The following NXPH1 variants were observed in gnomAD, a reference collection of about 807,000 sequenced individuals.
NXPH1 encodes the protein neurexophilin 1.
In NXPH1, 5 loss-of-function variants were observed where a neutral mutation model predicts 23.7. That is an observed-to-expected ratio of 0.21 (90% CI 0.11 to 0.44). The LOEUF (loss-of-function observed/expected upper bound fraction) is 0.44, where lower values mean the gene tolerates loss of function less well. NXPH1 is among the 20% of genes least tolerant of loss of function. The probability of loss-of-function intolerance (pLI) is 0.99; values close to 1 mark genes in which losing one functional copy is unlikely to be tolerated. For synonymous variants in NXPH1, 144 were observed against 122.2 expected (o/e 1.18, Z -1.18); for missense variants, 324 against 321.6 (o/e 1.01, Z -0.06).
At chr7:8,524,677 TG>T (rs552879540) in intron 2 of NXPH1, among the ~76,000 whole-genome samples, 8 of 152,162 alleles carry the variant, frequency 5.3e-5, no homozygotes, top group Non-Finnish European at 1.0e-4. Flanking sequence ...AATTGAATCA[TG>T]GGGGCCGATC....
intron 2 of NXPH1, among the ~76,000 whole-genome samples, chr7:8,691,333 G>C (rs1821217950): frequency 6.6e-6 from 1 of 151,912 alleles, no homozygotes; most frequent in South Asian, 2.1e-4. Context: ...ATTTTTTGTA[G>C]AGACAGGGTT....
intron 2 of NXPH1, among the ~76,000 whole-genome samples, chr7:8,546,519 TG>T (rs1818199792): frequency 6.6e-6 from 1 of 151,422 alleles, no homozygotes; most frequent in African/African-American, 2.4e-5. Flanking sequence ...GCATATTCCC[TG>T]GCCTCATGGT....
intron 2 of NXPH1, among the ~76,000 whole-genome samples, chr7:8,645,684 T>G (rs1376913537): frequency 2.6e-5 from 4 of 152,048 alleles, no homozygotes; most frequent in South Asian, 2.1e-4. Context: ...TGTATCTTGG[T>G]CTTAAAGTTA....
At chr7:8,745,073 C>A (rs1405744845) in intron 2 of NXPH1, among the ~76,000 whole-genome samples, 1 of 152,172 alleles carries the variant, frequency 6.6e-6, no homozygotes, top group South Asian at 2.1e-4. Context: ...AGTTTAAATG[C>A]CTTAGCAGCA....
intron 2 of NXPH1, among the ~76,000 whole-genome samples, chr7:8,490,590 G>A (rs1000157893): frequency 3.3e-5 from 5 of 152,000 alleles, no homozygotes; most frequent in Non-Finnish European, 5.9e-5. Flanking sequence ...TAACTGGGGA[G>A]CGCTTTGCTT....
chr7:8,644,922 T>C (rs112731065), intron 2 of NXPH1, among the ~76,000 whole-genome samples: 1 of 152,200 alleles, frequency 6.6e-6, no homozygotes, highest in African/African-American at 2.4e-5. Context: ...TATTTTGTAC[T>C]TTATATAAAC....
At chr7:8,498,577 T>C (rs1218908119) in intron 2 of NXPH1, among the ~76,000 whole-genome samples, 1 of 152,078 alleles carries the variant, frequency 6.6e-6, no homozygotes, top group Non-Finnish European at 1.5e-5. Flanking sequence ...GAAAGTTCTT[T>C]TCATATTGAA....
At chr7:8,606,892 T>C (rs1208988586) in intron 2 of NXPH1, among the ~76,000 whole-genome samples, 1 of 152,116 alleles carries the variant, frequency 6.6e-6, no homozygotes, top group Non-Finnish European at 1.5e-5. Context: ...CTTGAAAATA[T>C]TTTTATTTTT....
intron 2 of NXPH1, among the ~76,000 whole-genome samples, chr7:8,454,285 T>C (rs1309822644): frequency 6.6e-6 from 1 of 152,178 alleles, no homozygotes; most frequent in African/African-American, 2.4e-5. Flanking sequence ...AGAAAGTTAG[T>C]GGACTGCCTT....
chr7:8,593,968 C>A (rs1191749834), intron 2 of NXPH1, among the ~76,000 whole-genome samples: 1 of 151,172 alleles, frequency 6.6e-6, no homozygotes, highest in Non-Finnish European at 1.5e-5. Context: ...TAGACATCAA[C>A]TTAAAAACAT....
At position 8,752,005 on chromosome 7, in the gene NXPH1, G is replaced by C; in HGVS notation, c.*236G>C. Reference sequence around the variant, plus strand: ...ATTTTGAATTCACACCTGAAGACATGCTCTCACATATAGAGGTACACAAAC... The same window carrying C: ...ATTTTGAATTCACACCTGAAGACATCCTCTCACATATAGAGGTACACAAAC... On this transcript the variant is annotated 3_prime_UTR_variant, in exon 3 of 3. Coordinates refer to ENST00000405863, the MANE Select transcript of NXPH1 (RefSeq NM_152745.3). 2.0e-6 allele frequency: 1 copy of C among 488,434 alleles called. No individual in the cohort carries two copies. The highest frequency in any genetic ancestry group is 3.0e-5 in the South Asian group (1 of 33,386). The allele number at this position is 488,434 out of a possible 1,614,324, so 30.3% of individuals were successfully genotyped here. A position where few individuals can be genotyped will look rare whatever the true frequency, so the allele number is the denominator to read the frequency against.
chr7:8,469,319 A>G (rs182455414), intron 2 of NXPH1, among the ~76,000 whole-genome samples: 1 of 152,168 alleles, frequency 6.6e-6, no homozygotes, highest in African/African-American at 2.4e-5. Flanking sequence ...TTCTGTGATA[A>G]TAGTCACATG....
chr7:8,448,554 C>G (rs7786611), intron 2 of NXPH1, among the ~76,000 whole-genome samples: 74 of 152,186 alleles, frequency 4.9e-4, no homozygotes, highest in Non-Finnish European at 9.4e-4. Flanking sequence ...CGGTGACTCA[C>G]GCCTGTAATC....
At chr7:8,441,284 T>G (rs1430729640) in intron 2 of NXPH1, among the ~76,000 whole-genome samples, 2 of 152,144 alleles carry the variant, frequency 1.3e-5, no homozygotes, top group Non-Finnish European at 2.9e-5. Flanking sequence ...ACTATTTGCC[T>G]GGTCCCGTCG....
chr7:8,577,304 G>A (rs1276661906), intron 2 of NXPH1, among the ~76,000 whole-genome samples: 2 of 152,152 alleles, frequency 1.3e-5, no homozygotes, highest in Non-Finnish European at 2.9e-5. Flanking sequence ...AGTGGATCAA[G>A]TAAGACTGCA....
intron 2 of NXPH1, among the ~76,000 whole-genome samples, chr7:8,717,732 A>T (rs1226112303): frequency 6.6e-6 from 1 of 152,112 alleles, no homozygotes; most frequent in African/African-American, 2.4e-5. Context: ...TTATTTTTCT[A>T]CCACCTGTGA....
intron 2 of NXPH1, among the ~76,000 whole-genome samples, chr7:8,740,584 A>G (rs891403793): frequency 5.9e-5 from 9 of 152,206 alleles, no homozygotes; most frequent in African/African-American, 1.7e-4. Context: ...CCTGGAGCCT[A>G]CTGGGTTAAG....
intron 2 of NXPH1, among the ~76,000 whole-genome samples, chr7:8,452,101 T>C (rs1388238015): frequency 3.9e-5 from 6 of 152,184 alleles, no homozygotes; most frequent in African/African-American, 1.4e-4. Flanking sequence ...GTGAAATTGA[T>C]TTGGTCCCAG....
At chr7:8,582,660 G>A (rs554678750) in intron 2 of NXPH1, among the ~76,000 whole-genome samples, 46 of 152,232 alleles carry the variant, frequency 3.0e-4, no homozygotes, top group Non-Finnish European at 6.0e-4. Flanking sequence ...GTGTCTAGGG[G>A]GTTTTTATGG....
Sources: gnomAD v4.1 joint callset for allele counts (sites outside exome capture counted in the v4.1 genomes callset) on GRCh38, gnomAD v4.1.1 for gene constraint, MANE v1.5 for transcripts, NCBI Gene and HGNC (gene_info 2026-07-23, HGNC 2026-07-21) for gene names.